SLC30A7: variants seen among roughly 807,000 people sequenced by gnomAD.
SLC30A7 encodes zinc transporter 7.
In SLC30A7, 35 loss-of-function variants were observed where a neutral mutation model predicts 46.0. That is an observed-to-expected ratio of 0.76 (90% CI 0.58 to 1.01). The LOEUF (loss-of-function observed/expected upper bound fraction) is 1.01, where lower values mean the gene tolerates loss of function less well. Among genes scored for constraint, SLC30A7 ranks in the 50% least tolerant of loss-of-function variants. SLC30A7 has a pLI of 0.00. For synonymous variants in SLC30A7, 147 were observed against 157.8 expected (o/e 0.93, Z 0.51); for missense variants, 464 against 451.1 (o/e 1.03, Z -0.26).
the SLC30A7 span, chr1:100,992,561 G>C: frequency 3.0e-6 from 3 of 991,912 alleles, no homozygotes; most frequent in Non-Finnish European, 4.7e-6. Flanking sequence ...ATAGTGGTAT[G>C]AGATATTAAG....
chr1:100,903,497 T>A (rs1651443627), intron 2 of SLC30A7, among the ~76,000 whole-genome samples: 1 of 152,170 alleles, frequency 6.6e-6, no homozygotes, highest in African/African-American at 2.4e-5. Flanking sequence ...ATGAATAATA[T>A]GCCCCTTACC....
At chr1:100,969,961 G>C (rs943691551) in intron 10 of SLC30A7, among the ~76,000 whole-genome samples, 2 of 151,968 alleles carry the variant, frequency 1.3e-5, no homozygotes, top group African/African-American at 4.8e-5. Flanking sequence ...TATATGCCAA[G>C]GCTTGCAGGA....
intron 8 of SLC30A7, among the ~76,000 whole-genome samples, chr1:100,931,503 G>T (rs1653661955): frequency 6.6e-6 from 1 of 151,944 alleles, no homozygotes; most frequent in Non-Finnish European, 1.5e-5. Flanking sequence ...ATTGCTTACT[G>T]GATTTTATTT....
intron 6 of SLC30A7, among the ~76,000 whole-genome samples, chr1:100,915,578 A>G (rs1652490949): frequency 1.3e-5 from 2 of 152,168 alleles, no homozygotes; most frequent in African/African-American, 4.8e-5. Context: ...AATGTCCTTC[A>G]GGATCATTCA....
intron 9 of SLC30A7, among the ~76,000 whole-genome samples, chr1:100,964,465 G>C (rs1425276249): frequency 6.6e-6 from 1 of 151,262 alleles, no homozygotes; most frequent in Non-Finnish European, 1.5e-5. Flanking sequence ...GGTGAGTATC[G>C]TCTTCCTTTC....
intron 7 of SLC30A7, among the ~76,000 whole-genome samples, chr1:100,919,294 C>G (rs1471457625): frequency 6.6e-6 from 1 of 152,024 alleles, no homozygotes; most frequent in Non-Finnish European, 1.5e-5. Flanking sequence ...TCCATTTAGA[C>G]TTTATTGTCA....
intron 7 of SLC30A7, among the ~76,000 whole-genome samples, chr1:100,919,686 T>C (rs1168548865): frequency 6.6e-6 from 1 of 152,130 alleles, no homozygotes; most frequent in Non-Finnish European, 1.5e-5. Context: ...AGATTTGCCT[T>C]TCTAATTCTC....
chr1:100,969,184 G>A (rs909497755), intron 10 of SLC30A7, among the ~76,000 whole-genome samples: 3 of 152,188 alleles, frequency 2.0e-5, no homozygotes, highest in African/African-American at 7.2e-5. Flanking sequence ...GACACTGTAA[G>A]TCTATATCAT....
At chr1:100,952,365 A>G (rs979169167) in intron 8 of SLC30A7, among the ~76,000 whole-genome samples, 2 of 152,152 alleles carry the variant, frequency 1.3e-5, no homozygotes, top group Admixed American at 1.3e-4. Flanking sequence ...CCTACCTCAT[A>G]ATTTGTTGTG....
At chr1:100,973,849 G>A (rs34687810) in intron 10 of SLC30A7, among the ~76,000 whole-genome samples, 18,325 of 152,068 alleles carry the variant, frequency 0.12, 1,189 homozygotes, top group Middle Eastern at 0.2. Context: ...TTGCTGATAG[G>A]TGAAGTAGGA....
intron 8 of SLC30A7, among the ~76,000 whole-genome samples, chr1:100,933,150 AT>A (rs949529811): frequency 1.3e-5 from 2 of 150,700 alleles, no homozygotes; most frequent in African/African-American, 4.9e-5. Flanking sequence ...TAATTTTTGT[AT>A]TTTTAGTAGA....
At position 100,915,650 on chromosome 1, in the gene SLC30A7, A is replaced by G. The variant is rs114434700; in HGVS notation, c.655+1844A>G. Among the ~76,000 whole-genome samples the G allele has an allele frequency of 6.6e-3, 998 of 152,300 alleles. 17 individuals carry two copies. The highest frequency in any genetic ancestry group is 0.021 in the African/African-American group (870 of 41,554). On this transcript the variant is annotated intron_variant, in intron 6 of 10. Coordinates refer to ENST00000357650, the MANE Select transcript of SLC30A7 (RefSeq NM_133496.5). Reference sequence around the variant, plus strand: ...GGCTGAATGATATTCCGTTGTATGTATATACCACATTGCTTTATCCATTCA... The same window carrying G: ...GGCTGAATGATATTCCGTTGTATGTGTATACCACATTGCTTTATCCATTCA...
downstream of SLC30A7, among the ~76,000 whole-genome samples, chr1:100,983,786 C>G (rs1033883104): frequency 1.1e-4 from 17 of 152,136 alleles, no homozygotes; most frequent in African/African-American, 4.1e-4. Flanking sequence ...TAAGCAGGAG[C>G]ACTTAGATAG....
In SLC30A7 at chr1:100,921,820, T is replaced by C. The variant is rs748999463; in HGVS notation, c.821T>C (p.Ile274Thr). The C allele has an allele frequency of 1.7e-5, 28 of 1,612,946 alleles. No homozygotes were observed. The highest frequency in any genetic ancestry group is 2.4e-5 in the Non-Finnish European group (28 of 1,179,660). ...GCAGATCCTATCTGTTCAATTCTTA[T>C]AGCCATTCTTATAGTTGTAAGGTAA... ...MIADPICSIL[I>T]AILIVVSVIP... The change falls in exon 8 of 11, where the codon ATA becomes ACA. Residue 274 changes from isoleucine (I) to threonine (T), a missense_variant. By Grantham distance (89) the Ile-to-Thr change is moderately conservative (BLOSUM62 -1). Coordinates refer to ENST00000357650, the MANE Select transcript of SLC30A7 (RefSeq NM_133496.5).
At chr1:100,994,282 TAA>T in the SLC30A7 span, among the ~76,000 whole-genome samples, 1 of 152,182 alleles carries the variant, frequency 6.6e-6, no homozygotes. Flanking sequence ...CAAACATACT[TAA>T]AAGTTTTCCA....
At chr1:100,912,314 G>A in intron 5 of SLC30A7, 76 bp downstream of exon 5, 1 of 1,496,090 alleles carries the variant, frequency 6.7e-7, no homozygotes, top group South Asian at 1.2e-5. Context: ...AGAGAATTAA[G>A]TTAAACTATA....
In SLC30A7 at chr1:100,977,322, A is replaced by G. The variant is rs1002201961; in HGVS notation, c.*2465A>G. On this transcript the variant is annotated 3_prime_UTR_variant, in exon 11 of 11. Transcript: ENST00000357650. ...CAGTGTTAGACTGATGTGAATTTGCATTTGTTACATTACATTGCCAGCGCA... is the reference window on the plus strand; with the variant it reads ...CAGTGTTAGACTGATGTGAATTTGCGTTTGTTACATTACATTGCCAGCGCA... The G allele has an allele frequency of 1.3e-5, 2 of 152,182 alleles. No homozygotes were observed. The highest frequency in any genetic ancestry group is 2.4e-5 in the African/African-American group (1 of 41,442). The allele number at this position is 152,182 out of a possible 1,614,324, so 9.4% of individuals were successfully genotyped here.
intron 2 of SLC30A7, among the ~76,000 whole-genome samples, chr1:100,904,701 T>A (rs1424271889): frequency 6.6e-6 from 1 of 152,226 alleles, no homozygotes; most frequent in Non-Finnish European, 1.5e-5. Flanking sequence ...GTAATCTCTG[T>A]ATGGTGCCTG....
In SLC30A7 at chr1:100,921,697, T is replaced by C. The variant is rs1351719014; in HGVS notation, c.707-9T>C. The C allele has an allele frequency of 1.2e-6, 2 of 1,600,430 alleles. No individual in the cohort carries two copies. The highest frequency in any genetic ancestry group is 1.7e-6 in the Non-Finnish European group (2 of 1,169,350). On this transcript the variant is annotated splice_polypyrimidine_tract_variant and intron_variant, in intron 7 of 10. Transcript: ENST00000357650. ...GACTGTTTTGATTTTTATTATGGTT[T>C]ATTTCTAGGTGTATTTTTACATATC...
Sources: gnomAD v4.1 joint callset for allele counts (sites outside exome capture counted in the v4.1 genomes callset) on GRCh38, gnomAD v4.1.1 for gene constraint, MANE v1.5 for transcripts, NCBI Gene and HGNC (gene_info 2026-07-23, HGNC 2026-07-21) for gene names.